The following TOX2 variants were observed in gnomAD, a reference collection of about 807,000 sequenced individuals.
TOX2 encodes TOX high mobility group box family member 2.
A neutral mutation model predicts 47.4 loss-of-function variants in TOX2; 15 were observed. That is an observed-to-expected ratio of 0.32 (90% CI 0.21 to 0.49). TOX2 has a LOEUF of 0.49. TOX2 is among the 20% of genes least tolerant of loss of function. TOX2 has a pLI of 0.99. For synonymous variants in TOX2, 290 were observed against 296.6 expected, an observed-to-expected ratio of 0.98 and a Z score of 0.23; for missense variants, 622 against 673.1, an observed-to-expected ratio of 0.92 and a Z score of 0.84.
intron 2 of TOX2, among the ~76,000 whole-genome samples, chr20:44,002,438 G>A (rs1027463228): frequency 4.6e-5 from 7 of 152,162 alleles, no homozygotes; most frequent in African/African-American, 1.7e-4. Context: ...CACTCACTGT[G>A]TGCTCAACAT....
chr20:43,997,646 A>AC (rs765315213), intron 2 of TOX2, among the ~76,000 whole-genome samples: 16 of 151,858 alleles, frequency 1.1e-4, no homozygotes, highest in Non-Finnish European at 1.9e-4. Context: ...TTTCTATTTT[A>AC]TTTTTCTCCT....
chr20:44,023,431 G>GGGAAAAAA (rs1555841868), intron 3 of TOX2, among the ~76,000 whole-genome samples: 1 of 119,148 alleles, frequency 8.4e-6, no homozygotes, highest in Non-Finnish European at 1.7e-5. Flanking sequence ...CTTTATCTCA[G>GGGAAAAAA]AAAAAAAAAA....
At chr20:43,971,223 G>T (rs937515416) in intron 1 of TOX2, among the ~76,000 whole-genome samples, 1 of 152,212 alleles carries the variant, frequency 6.6e-6, no homozygotes, top group Non-Finnish European at 1.5e-5. Flanking sequence ...AGACATCAAG[G>T]TACAGATAGA....
chr20:44,026,049 T>G (rs539554450), intron 3 of TOX2, among the ~76,000 whole-genome samples: 1 of 151,680 alleles, frequency 6.6e-6, no homozygotes, highest in African/African-American at 2.4e-5. Flanking sequence ...TAAGCCAGCT[T>G]GGATTCTAAG....
chr20:44,038,420 T>A (rs2071274638), intron 3 of TOX2, among the ~76,000 whole-genome samples: 1 of 152,008 alleles, frequency 6.6e-6, no homozygotes, highest in African/African-American at 2.4e-5. Context: ...CCTCTCAAAC[T>A]GAAGCAGGGA....
chr20:44,003,577 A>C (rs1221825786), intron 2 of TOX2, among the ~76,000 whole-genome samples: 1 of 152,218 alleles, frequency 6.6e-6, no homozygotes, highest in Admixed American at 6.5e-5. Flanking sequence ...CAGACAAATA[A>C]TCACACAAGA....
chr20:44,043,086 G>A (rs1257684563), intron 3 of TOX2, among the ~76,000 whole-genome samples: 1 of 152,204 alleles, frequency 6.6e-6, no homozygotes, highest in Non-Finnish European at 1.5e-5. Flanking sequence ...TTATATGCTT[G>A]CGGGGCATCC....
At chr20:44,050,191 CA>C (rs2071484853) in intron 3 of TOX2, among the ~76,000 whole-genome samples, 3 of 152,100 alleles carry the variant, frequency 2.0e-5, no homozygotes, top group Admixed American at 2.0e-4. Flanking sequence ...TACAATTTGT[CA>C]TTTGTCAATT....
intron 2 of TOX2, among the ~76,000 whole-genome samples, chr20:43,995,805 C>T (rs1292391214): frequency 6.6e-6 from 1 of 152,160 alleles, no homozygotes; most frequent in African/African-American, 2.4e-5. Flanking sequence ...GGATAATGGC[C>T]TCCAGCTCCA....
intron 1 of TOX2, among the ~76,000 whole-genome samples, chr20:43,964,260 T>C (rs921259912): frequency 1.3e-5 from 2 of 152,130 alleles, no homozygotes; most frequent in Non-Finnish European, 2.9e-5. Context: ...GACTGAGGCT[T>C]CCCAGGCCGT....
At chr20:43,959,498 C>A (rs1359286192) in intron 1 of TOX2, among the ~76,000 whole-genome samples, 1 of 152,200 alleles carries the variant, frequency 6.6e-6, no homozygotes, top group African/African-American at 2.4e-5. Context: ...AAAAACCTTT[C>A]TAGGTCAAAT....
rs1568992951 is a variant in TOX2 at position 43,915,881 on chromosome 20, C to T, written c.99+891C>T. 6.6e-6 allele frequency among the ~76,000 whole-genome samples: 1 copy of T among 152,254 alleles called. No individual in the cohort carries two copies. Among genetic ancestry groups the T allele is most frequent in the Non-Finnish European group, 1.5e-5 (1 of 68,040 alleles). ...CTATCCCCCCACCCCAGCCAGGTCC[C>T]AGCTGCGCTGCGCCGGGCGCATTCC... On this transcript the variant is annotated intron_variant, in intron 1 of 8. Transcript: ENST00000341197. The surrounding 1 kb of genome is among the most constrained non-coding windows in gnomAD (Gnocchi z 7.1).
Position 43,915,163 on chromosome 20 carries a change from C to T in TOX2, c.99+173C>T, listed in dbSNP as rs1600642074. On this transcript the variant is annotated intron_variant, in intron 1 of 8. Coordinates refer to ENST00000341197, the MANE Select transcript of TOX2 (RefSeq NM_001098797.2). The surrounding 1 kb of genome is among the most constrained non-coding windows in gnomAD (Gnocchi z 7.1). ...CGCTCACGCCCTGAGTTGTTGGGAT[C>T]GCGGGCAGAAGTCATCCCGACAGCC... 6.6e-6 allele frequency among the ~76,000 whole-genome samples: 1 copy of T among 152,146 alleles called. No homozygotes were observed. The highest frequency in any genetic ancestry group is 2.4e-5 in the African/African-American group (1 of 41,446).
intron 1 of TOX2, among the ~76,000 whole-genome samples, chr20:43,937,734 C>T (rs890802190): frequency 2.0e-5 from 3 of 152,102 alleles, no homozygotes; most frequent in African/African-American, 4.8e-5. Flanking sequence ...TGGGGGCGAC[C>T]GCAGCATCGA....
chr20:43,942,004 C>T lies in TOX2; in HGVS notation c.99+27014C>T, dbSNP rs149236146. 1.9e-3 allele frequency among the ~76,000 whole-genome samples: 283 copies of T among 152,288 alleles called. 1 individual carries two copies. Among genetic ancestry groups the T allele is most frequent in the African/African-American group, 6.6e-3 (274 of 41,550 alleles). On this transcript the variant is annotated intron_variant, in intron 1 of 8. Transcript: ENST00000341197. ...TGTGAGTTTGCCTGGGCTGTGTGCA[C>T]TGACCCTCATCAATAAGAAGATGGA... is the stretch of plus-strand genomic sequence containing the variant.
rs566198993 is a variant in TOX2, at chr20:44,000,413, G to A, written c.166-6134G>A. On this transcript the variant is annotated intron_variant, in intron 2 of 8. Coordinates refer to ENST00000341197, the MANE Select transcript of TOX2 (RefSeq NM_001098797.2). Reference sequence around the variant, plus strand: ...GAGAGGGGTCAAGGGTGACACCTTGGTTTCTGGCCTGAGCAACCAGAAGGA... The same window carrying A: ...GAGAGGGGTCAAGGGTGACACCTTGATTTCTGGCCTGAGCAACCAGAAGGA... Among the ~76,000 whole-genome samples, 8 of 152,304 alleles carry A rather than the reference G, an allele frequency of 5.3e-5. No homozygotes were observed. The East Asian group carries it at 1.5e-3, about 29-fold the overall frequency.
intron 3 of TOX2, among the ~76,000 whole-genome samples, chr20:44,032,034 G>A (rs2071161146): frequency 6.6e-6 from 1 of 152,166 alleles, no homozygotes; most frequent in African/African-American, 2.4e-5. Context: ...TAAGTACTTT[G>A]GAAGAAAGAA....
chr20:44,006,028 A>G (rs1169551382), intron 2 of TOX2, among the ~76,000 whole-genome samples: 4 of 152,126 alleles, frequency 2.6e-5, no homozygotes, highest in South Asian at 2.1e-4. Flanking sequence ...TGTTTGTGCC[A>G]TTTACCAAGA....
chr20:43,943,647 A>AC (rs1379991231), intron 1 of TOX2, among the ~76,000 whole-genome samples: 2 of 152,188 alleles, frequency 1.3e-5, no homozygotes, highest in African/African-American at 4.8e-5. Flanking sequence ...AGAGGGAACA[A>AC]CAAAAAAAAA....
Sources: gnomAD v4.1 joint callset for allele counts (sites outside exome capture counted in the v4.1 genomes callset) on GRCh38, gnomAD v4.1.1 for gene constraint, Gnocchi (gnomAD v3.1) non-coding constraint, MANE v1.5 for transcripts, NCBI Gene and HGNC (gene_info 2026-07-23, HGNC 2026-07-21) for gene names.